EXOC4: variants seen among roughly 807,000 people sequenced by gnomAD.
EXOC4 encodes the protein exocyst complex component 4.
In EXOC4, 71 loss-of-function variants were observed where a neutral mutation model predicts 107.2. The observed-to-expected ratio is 0.66, with a 90% CI of 0.55 to 0.81. EXOC4 has a LOEUF of 0.81. Ranked by LOEUF, EXOC4 falls within the 30% of genes least tolerant of loss-of-function variation. The probability of loss-of-function intolerance (pLI) is 0.00; values close to 1 mark genes in which losing one functional copy is unlikely to be tolerated. For synonymous variants in EXOC4, 456 were observed against 441.2 expected (o/e 1.03, Z -0.42); for missense variants, 1,108 against 1,189.6 (o/e 0.93, Z 1.01).
chr7:134,021,583 A>C (rs1795029036), intron 17 of EXOC4, among the ~76,000 whole-genome samples: 1 of 152,116 alleles, frequency 6.6e-6, no homozygotes, highest in African/African-American at 2.4e-5. Context: ...AGGCATTCTT[A>C]ATCTCCGTGT....
intron 10 of EXOC4, among the ~76,000 whole-genome samples, chr7:133,791,166 C>T (rs1433882627): frequency 1.3e-5 from 2 of 152,148 alleles, no homozygotes; most frequent in Non-Finnish European, 1.5e-5. Flanking sequence ...TAACAGGAAG[C>T]GGGCAACTGA....
intron 7 of EXOC4, among the ~76,000 whole-genome samples, chr7:133,469,983 C>G (rs1366980615): frequency 6.6e-6 from 1 of 152,192 alleles, no homozygotes; most frequent in Non-Finnish European, 1.5e-5. Context: ...GGTTGTCTCC[C>G]TGGTGAACAT....
At chr7:133,900,336 T>C (rs952211726) in intron 12 of EXOC4, among the ~76,000 whole-genome samples, 16 of 151,974 alleles carry the variant, frequency 1.1e-4, no homozygotes, top group Non-Finnish European at 2.1e-4. Context: ...GAGGAAGAAA[T>C]TACGAAGGAG....
intron 11 of EXOC4, among the ~76,000 whole-genome samples, chr7:133,823,874 A>ATATATATATATAT (rs1797614214): frequency 5.5e-4 from 5 of 9,082 alleles, no homozygotes; most frequent in East Asian, 2.5e-3. Context: ...TATATATATT[A>ATATATATATATAT]TATATATATA....
chr7:133,288,364 A>C (rs747940401), intron 2 of EXOC4, among the ~76,000 whole-genome samples: 270 of 152,172 alleles, frequency 1.8e-3, no homozygotes, highest in Non-Finnish European at 3.4e-3. Context: ...AATGCAAGGC[A>C]AAAAAGCCTT....
intron 17 of EXOC4, among the ~76,000 whole-genome samples, chr7:134,051,410 T>C (rs1210944899): frequency 3.3e-5 from 5 of 152,226 alleles, no homozygotes; most frequent in East Asian, 1.9e-4. Context: ...CTGTGGCTCA[T>C]GCCTGTAATC....
intron 14 of EXOC4, among the ~76,000 whole-genome samples, chr7:133,994,609 T>C (rs779362101): frequency 2.6e-5 from 4 of 152,160 alleles, no homozygotes; most frequent in Non-Finnish European, 5.9e-5. Flanking sequence ...TCCCTAGTAT[T>C]AGGAAAACAG....
intron 10 of EXOC4, among the ~76,000 whole-genome samples, chr7:133,706,555 A>G (rs1306461721): frequency 6.6e-6 from 1 of 152,246 alleles, no homozygotes; most frequent in African/African-American, 2.4e-5. Flanking sequence ...AAAAAGTGTA[A>G]AGAAATAGAT....
At chr7:133,591,420 A>G (rs942408428) in intron 9 of EXOC4, among the ~76,000 whole-genome samples, 3 of 152,090 alleles carry the variant, frequency 2.0e-5, no homozygotes, top group African/African-American at 7.2e-5. Flanking sequence ...CTGATGTTTT[A>G]TCCTTTTTAG....
chr7:133,768,990 A>T (rs548788110), intron 10 of EXOC4, among the ~76,000 whole-genome samples: 1 of 152,132 alleles, frequency 6.6e-6, no homozygotes, highest in Non-Finnish European at 1.5e-5. Flanking sequence ...AGAGGGAAGG[A>T]TGTCCTATGT....
intron 10 of EXOC4, among the ~76,000 whole-genome samples, chr7:133,693,036 CAGAACTGAT>C (rs1162284402): frequency 6.6e-6 from 1 of 152,000 alleles, no homozygotes; most frequent in Admixed American, 6.6e-5. Flanking sequence ...TCTAGAGGGA[CAGAACTGAT>C]AGGATAGATG....
chr7:133,652,438 A>ATT (rs774513966), intron 10 of EXOC4, among the ~76,000 whole-genome samples: 1,585 of 146,032 alleles, frequency 0.011, 35 homozygotes, highest in African/African-American at 0.037. Context: ...ACACAGCAAT[A>ATT]TTTTTTTTTT....
intron 15 of EXOC4, among the ~76,000 whole-genome samples, chr7:133,998,168 C>T (rs1794440317): frequency 6.6e-6 from 1 of 152,116 alleles, no homozygotes. Context: ...TTAGTTAACC[C>T]AGTATATCCA....
chr7:133,868,980 CCCAGCAGGCACCTG>C (rs1465466127), intron 11 of EXOC4, among the ~76,000 whole-genome samples: 2 of 152,068 alleles, frequency 1.3e-5, no homozygotes, highest in Non-Finnish European at 2.9e-5. Flanking sequence ...CCCTGCCTCT[CCCAGCAGGCACCTG>C]GAGGAATATG....
chr7:133,272,543 G>T (rs1793896960), intron 1 of EXOC4, among the ~76,000 whole-genome samples: 1 of 151,710 alleles, frequency 6.6e-6, no homozygotes, highest in African/African-American at 2.4e-5. Flanking sequence ...AAATATTAGG[G>T]GCTATTATTA....
intron 5 of EXOC4, among the ~76,000 whole-genome samples, chr7:133,341,819 A>C (rs1294942750): frequency 6.6e-6 from 1 of 152,088 alleles, no homozygotes; most frequent in Non-Finnish European, 1.5e-5. Flanking sequence ...CTGTTGCTTT[A>C]AAGTTTGTTT....
intron 3 of EXOC4, among the ~76,000 whole-genome samples, chr7:133,292,657 G>C (rs1201278223): frequency 6.6e-6 from 1 of 152,104 alleles, no homozygotes; most frequent in African/African-American, 2.4e-5. Flanking sequence ...GAATGTCCCA[G>C]ATATTCAGAT....
At position 133,379,067 on chromosome 7, in the gene EXOC4, C is replaced by T. The variant is rs558547554; in HGVS notation, c.1182+4065C>T. 1.3e-3 allele frequency among the ~76,000 whole-genome samples: 195 copies of T among 151,924 alleles called. 1 individual carries two copies. Among genetic ancestry groups the T allele is most frequent in the Non-Finnish European group, 2.1e-3 (140 of 67,964 alleles). ...GTGAGAATAAGAATAGTACAAAGAG[C>T]CATATACCTCTTTATTTGGATTCAG... On this transcript the variant is annotated intron_variant, in intron 7 of 17. Transcript: ENST00000253861.
At chr7:134,005,924 A>T (rs939662929) in intron 16 of EXOC4, among the ~76,000 whole-genome samples, 1 of 152,226 alleles carries the variant, frequency 6.6e-6, no homozygotes, top group South Asian at 2.1e-4. Flanking sequence ...CCTTAAATGT[A>T]TATGGAGTTA....
Sources: allele counts gnomAD v4.1 joint callset (sites outside exome capture counted in the v4.1 genomes callset), GRCh38; gene constraint gnomAD v4.1.1; transcripts MANE v1.5; gene names NCBI Gene and HGNC (gene_info 2026-07-23, HGNC 2026-07-21).